The following DPYD variants were observed in gnomAD, a reference collection of about 807,000 sequenced individuals.
DPYD encodes dihydropyrimidine dehydrogenase [NADP(+)].
A neutral mutation model predicts 116.2 loss-of-function variants in DPYD; 109 were observed. The observed-to-expected ratio is 0.94, with a 90% CI of 0.80 to 1.10. The LOEUF is 1.10. Among genes scored for constraint, DPYD ranks in the 50% least tolerant of loss-of-function variants. DPYD has a pLI of 0.00. For synonymous variants in DPYD, 440 were observed against 432.0 expected, an observed-to-expected ratio of 1.02 and a Z score of -0.23; for missense variants, 1,302 against 1,254.5, an observed-to-expected ratio of 1.04 and a Z score of -0.57.
chr1:97,439,719 T>C (rs1023037269), intron 14 of DPYD, among the ~76,000 whole-genome samples: 8 of 152,090 alleles, frequency 5.3e-5, no homozygotes, highest in Admixed American at 4.6e-4. Context: ...TCATTTCTTT[T>C]CCACTCTGAT....
Position 97,920,972 on chromosome 1 carries a change from C to T in DPYD, c.-50G>A, listed in dbSNP as rs1674491211. 5.8e-6 allele frequency: 9 copies of T among 1,557,958 alleles called. No individual in the cohort carries two copies. The highest frequency in any genetic ancestry group is 7.8e-6 in the Non-Finnish European group (9 of 1,150,676). Reference sequence around the variant, plus strand: ...GCCAGTGACAAACCCTCCTTGCGTCCTCAAGCTCCAGCCAGAGAGCCAAGT... The same window carrying T: ...GCCAGTGACAAACCCTCCTTGCGTCTTCAAGCTCCAGCCAGAGAGCCAAGT... On this transcript the variant is annotated 5_prime_UTR_variant, in exon 1 of 23. Transcript: ENST00000370192.
chr1:97,580,508 T>G (rs1653570686), intron 10 of DPYD, among the ~76,000 whole-genome samples: 1 of 152,178 alleles, frequency 6.6e-6, no homozygotes. Flanking sequence ...TGAGCTACAG[T>G]TAAAATAAAC....
At chr1:97,189,029 C>T (rs1033454184) in intron 20 of DPYD, among the ~76,000 whole-genome samples, 25 of 152,096 alleles carry the variant, frequency 1.6e-4, no homozygotes, top group African/African-American at 5.6e-4. Context: ...CAAGTGATTA[C>T]TAATTCTTAA....
intron 16 of DPYD, among the ~76,000 whole-genome samples, chr1:97,341,662 C>A (rs903432182): frequency 6.6e-6 from 1 of 152,170 alleles, no homozygotes; most frequent in African/African-American, 2.4e-5. Flanking sequence ...CAGATAATCA[C>A]GAAGACCTGG....
At chr1:97,549,444 T>C (rs1651148118) in intron 12 of DPYD, 116 bp downstream of exon 12, 3 of 1,105,956 alleles carry the variant, frequency 2.7e-6, no homozygotes, top group Non-Finnish European at 4.0e-6. Flanking sequence ...ACGTGACATA[T>C]TGTATATATG....
intron 18 of DPYD, among the ~76,000 whole-genome samples, chr1:97,240,375 AAG>A (rs1202044211): frequency 6.6e-6 from 1 of 152,146 alleles, no homozygotes. Flanking sequence ...TTTAATGAGC[AAG>A]AGAGTGTGGA....
chr1:97,911,472 G>T (rs577838888), intron 1 of DPYD, among the ~76,000 whole-genome samples: 18 of 152,148 alleles, frequency 1.2e-4, no homozygotes, highest in African/African-American at 4.3e-4. Flanking sequence ...CATTTTGGTT[G>T]GCACACCCAA....
At chr1:97,122,230 G>A (rs1208496752) in intron 20 of DPYD, among the ~76,000 whole-genome samples, 1 of 152,124 alleles carries the variant, frequency 6.6e-6, no homozygotes, top group East Asian at 1.9e-4. Flanking sequence ...ATCATATAGA[G>A]GCTGGGTTTT....
At chr1:97,591,682 G>T (rs1272049384) in intron 10 of DPYD, among the ~76,000 whole-genome samples, 1 of 152,126 alleles carries the variant, frequency 6.6e-6, no homozygotes, top group Non-Finnish European at 1.5e-5. Flanking sequence ...CAACCCTCAA[G>T]AAGTCACCTT....
At chr1:97,387,286 A>G (rs117655398) in intron 14 of DPYD, among the ~76,000 whole-genome samples, 1 of 152,232 alleles carries the variant, frequency 6.6e-6, no homozygotes, top group East Asian at 1.9e-4. Context: ...AGCATCTAAT[A>G]TAAGAGGAAT....
intron 14 of DPYD, among the ~76,000 whole-genome samples, chr1:97,446,272 C>A (rs1364810632): frequency 1.3e-5 from 2 of 152,114 alleles, no homozygotes; most frequent in African/African-American, 4.8e-5. Context: ...TAGTGAGAAT[C>A]CTTTGTAACC....
intron 8 of DPYD, among the ~76,000 whole-genome samples, chr1:97,608,323 C>T (rs868168235): frequency 6.6e-6 from 1 of 151,914 alleles, no homozygotes; most frequent in Non-Finnish European, 1.5e-5. Flanking sequence ...AGAAAATATT[C>T]TCTTACAATC....
chr1:97,241,905 G>A (rs1662359287), intron 18 of DPYD, among the ~76,000 whole-genome samples: 1 of 151,272 alleles, frequency 6.6e-6, no homozygotes, highest in South Asian at 2.1e-4. Flanking sequence ...TAAACATTCA[G>A]CTATAACACA....
chr1:97,123,278 T>C (rs1289002368), intron 20 of DPYD, among the ~76,000 whole-genome samples: 1 of 152,114 alleles, frequency 6.6e-6, no homozygotes, highest in Non-Finnish European at 1.5e-5. Context: ...CACAAACAGT[T>C]TACCACACTT....
At chr1:97,873,787 A>G (rs1671774206) in intron 2 of DPYD, among the ~76,000 whole-genome samples, 1 of 152,012 alleles carries the variant, frequency 6.6e-6, no homozygotes, top group Non-Finnish European at 1.5e-5. Context: ...ACACACACTA[A>G]GATTTCAGTA....
At position 97,312,308 on chromosome 1, in the gene DPYD, G is replaced by C. The variant is rs79441455; in HGVS notation, c.2059-6011C>G. On this transcript the variant is annotated intron_variant, in intron 16 of 22. Transcript: ENST00000370192. ...TGCAAAGAAACAGGCATTCTCATAGGCTCTCAATAGGAAAGTAAATTAATA... is the reference window on the plus strand; with the variant it reads ...TGCAAAGAAACAGGCATTCTCATAGCCTCTCAATAGGAAAGTAAATTAATA... 1.8e-3 allele frequency among the ~76,000 whole-genome samples: 275 copies of C among 151,826 alleles called. 1 individual carries two copies. The highest frequency in any genetic ancestry group is 6.3e-3 in the African/African-American group (263 of 41,486).
intron 13 of DPYD, among the ~76,000 whole-genome samples, chr1:97,485,982 T>C (rs1385406356): frequency 2.0e-5 from 3 of 152,134 alleles, no homozygotes; most frequent in South Asian, 2.1e-4. Flanking sequence ...GGAATAGAGA[T>C]TGGGAGAATA....
chr1:97,519,958 T>C (rs1012614948), intron 12 of DPYD, among the ~76,000 whole-genome samples: 2 of 152,118 alleles, frequency 1.3e-5, no homozygotes, highest in Non-Finnish European at 2.9e-5. Flanking sequence ...AATATAATTA[T>C]TTTAATTAAT....
At chr1:97,085,533 G>A (rs1649452930) in intron 21 of DPYD, among the ~76,000 whole-genome samples, 1 of 152,102 alleles carries the variant, frequency 6.6e-6, no homozygotes. Flanking sequence ...TCTTTATCTG[G>A]AAGAGGATAA....
Sources: gnomAD v4.1 joint callset for allele counts (sites outside exome capture counted in the v4.1 genomes callset) on GRCh38, gnomAD v4.1.1 for gene constraint, MANE v1.5 for transcripts, NCBI Gene and HGNC (gene_info 2026-07-23, HGNC 2026-07-21) for gene names.